MDGA2: variants seen among roughly 807,000 people sequenced by gnomAD.
MDGA2 encodes MAM domain containing glycosylphosphatidylinositol anchor 2.
Under a neutral mutation model 117.8 loss-of-function variants are expected in MDGA2, and 40 were observed. The ratio of observed to expected loss-of-function variants is 0.34; its 90% confidence interval spans 0.26 to 0.44. MDGA2 has a LOEUF of 0.44. Ranked by LOEUF, MDGA2 falls within the 20% of genes least tolerant of loss-of-function variation. The pLI is 1.00. For synonymous variants in MDGA2, 452 were observed against 439.0 expected (o/e 1.03, Z -0.37); for missense variants, 1,123 against 1,250.6 (o/e 0.90, Z 1.54).
intron 1 of MDGA2, among the ~76,000 whole-genome samples, chr14:47,662,576 A>G (rs1189198758): frequency 1.3e-5 from 2 of 152,176 alleles, no homozygotes; most frequent in Admixed American, 6.5e-5. Flanking sequence ...AATCAAAAAG[A>G]TATAATGACC....
At chr14:47,371,071 GATA>G (rs1891348109) in intron 1 of MDGA2, among the ~76,000 whole-genome samples, 1 of 151,720 alleles carries the variant, frequency 6.6e-6, no homozygotes, top group Admixed American at 6.6e-5. Flanking sequence ...AGTTCTATAA[GATA>G]ATAATAATTT....
At chr14:47,357,275 G>C (rs1566752743) in intron 1 of MDGA2, among the ~76,000 whole-genome samples, 2 of 152,208 alleles carry the variant, frequency 1.3e-5, no homozygotes, top group African/African-American at 4.8e-5. Context: ...TCAGACACCA[G>C]ACTTGCTGTA....
rs543947670 is a variant in MDGA2 at position 47,004,949 on chromosome 14, T to C, written c.1819+30062A>G. Among the ~76,000 whole-genome samples the C allele has an allele frequency of 1.1e-3, 163 of 151,826 alleles. 1 individual carries two copies. Among genetic ancestry groups the C allele is most frequent in the African/African-American group, 3.8e-3 (158 of 41,550 alleles). On this transcript the variant is annotated intron_variant, in intron 8 of 16. Coordinates refer to ENST00000399232, the MANE Select transcript of MDGA2 (RefSeq NM_001113498.3). ...GTGAATTACAATTAATTTTTGTATA[T>C]TGATATCTTATTCTGCAACCTTGTT...
At chr14:47,156,468 C>G (rs912441390) in intron 3 of MDGA2, among the ~76,000 whole-genome samples, 1 of 152,118 alleles carries the variant, frequency 6.6e-6, no homozygotes, top group African/African-American at 2.4e-5. Flanking sequence ...TGACATAAAC[C>G]AGCTAACTCA....
intron 1 of MDGA2, among the ~76,000 whole-genome samples, chr14:47,650,332 T>C (rs1366057652): frequency 1.3e-5 from 2 of 152,204 alleles, no homozygotes; most frequent in African/African-American, 4.8e-5. Flanking sequence ...AGCCAATTCC[T>C]TATTTTACAT....
chr14:46,886,015 T>C (rs1338197888), intron 10 of MDGA2, among the ~76,000 whole-genome samples: 1 of 152,118 alleles, frequency 6.6e-6, no homozygotes, highest in Non-Finnish European at 1.5e-5. Flanking sequence ...TTTGCTATGC[T>C]AATGACTCGA....
intron 1 of MDGA2, among the ~76,000 whole-genome samples, chr14:47,394,365 G>A (rs926704661): frequency 1.2e-4 from 19 of 152,110 alleles, no homozygotes; most frequent in African/African-American, 4.3e-4. Flanking sequence ...TCAGCAAGAA[G>A]GCATCTGTAA....
At chr14:46,935,091 A>C (rs12888482) in intron 9 of MDGA2, among the ~76,000 whole-genome samples, 98,168 of 151,772 alleles carry the variant, frequency 0.65, 32,640 homozygotes, top group African/African-American at 0.8. Flanking sequence ...TTTTACTGAA[A>C]CAACTGTAGA....
At chr14:46,992,389 A>G (rs1244774424) in intron 8 of MDGA2, among the ~76,000 whole-genome samples, 1 of 152,110 alleles carries the variant, frequency 6.6e-6, no homozygotes, top group East Asian at 1.9e-4. Flanking sequence ...TCACCATTCA[A>G]GTGATTAGTT....
At chr14:47,088,067 TAGG>T (rs975655593) in intron 6 of MDGA2, among the ~76,000 whole-genome samples, 15 of 152,034 alleles carry the variant, frequency 9.9e-5, no homozygotes, top group African/African-American at 2.6e-4. Context: ...TACATAAAAT[TAGG>T]AGATTTTTCA....
intron 1 of MDGA2, among the ~76,000 whole-genome samples, chr14:47,351,066 C>T (rs1242107957): frequency 7.1e-6 from 1 of 140,304 alleles, no homozygotes; most frequent in Non-Finnish European, 1.6e-5. Context: ...TCAGTGCCAC[C>T]AGGCCCGGCT....
At chr14:47,392,690 G>A (rs922755922) in intron 1 of MDGA2, among the ~76,000 whole-genome samples, 4 of 152,056 alleles carry the variant, frequency 2.6e-5, no homozygotes, top group African/African-American at 9.7e-5. Flanking sequence ...TGCTTTACAT[G>A]GCAATGTGGC....
intron 7 of MDGA2, among the ~76,000 whole-genome samples, chr14:47,051,534 A>G (rs1433685780): frequency 6.6e-6 from 1 of 151,916 alleles, no homozygotes; most frequent in African/African-American, 2.4e-5. Flanking sequence ...AGGTTCTTTT[A>G]AAACTGAAAA....
At chr14:47,422,051 G>T (rs1892591522) in intron 1 of MDGA2, among the ~76,000 whole-genome samples, 1 of 151,980 alleles carries the variant, frequency 6.6e-6, no homozygotes, top group Non-Finnish European at 1.5e-5. Context: ...AAATATAGAA[G>T]TGTGCTATGG....
chr14:47,181,422 T>G (rs886231801), intron 3 of MDGA2, among the ~76,000 whole-genome samples: 1 of 152,196 alleles, frequency 6.6e-6, no homozygotes, highest in Admixed American at 6.5e-5. Flanking sequence ...GTGGTACATA[T>G]ACACCATGGA....
chr14:47,670,617 C>A, intron 1 of MDGA2, among the ~76,000 whole-genome samples: 1 of 152,084 alleles, frequency 6.6e-6, no homozygotes, highest in Admixed American at 6.5e-5. Context: ...CTTCAATAAG[C>A]ATACAGATAG....
At chr14:47,263,554 T>C (rs997289003) in intron 2 of MDGA2, among the ~76,000 whole-genome samples, 8 of 152,140 alleles carry the variant, frequency 5.3e-5, no homozygotes, top group Non-Finnish European at 1.0e-4. Context: ...GTACAACTGA[T>C]GATGTTCTTT....
chr14:46,953,100 T>G (rs898190807), intron 9 of MDGA2, among the ~76,000 whole-genome samples: 1 of 151,954 alleles, frequency 6.6e-6, no homozygotes, highest in Non-Finnish European at 1.5e-5. Flanking sequence ...TATGCAAATG[T>G]AAAACTGGCA....
At chr14:47,513,283 G>A (rs1331835841) in intron 1 of MDGA2, among the ~76,000 whole-genome samples, 2 of 151,994 alleles carry the variant, frequency 1.3e-5, no homozygotes, top group South Asian at 2.1e-4. Flanking sequence ...TTTTTATATG[G>A]CTGATACTGT....
Sources: gnomAD v4.1 joint callset for allele counts (sites outside exome capture counted in the v4.1 genomes callset) on GRCh38, gnomAD v4.1.1 for gene constraint, MANE v1.5 for transcripts, NCBI Gene and HGNC (gene_info 2026-07-23, HGNC 2026-07-21) for gene names.